NFATC1: variants seen among roughly 807,000 people sequenced by gnomAD.
NFATC1 encodes nuclear factor of activated T-cells, cytoplasmic 1.
Under a neutral mutation model 76.0 loss-of-function variants are expected in NFATC1, and 22 were observed. The observed-to-expected ratio is 0.29, with a 90% CI of 0.21 to 0.41. The LOEUF (loss-of-function observed/expected upper bound fraction) is 0.41. NFATC1 is among the 10% of genes least tolerant of loss of function. NFATC1 has a pLI of 1.00. For synonymous variants in NFATC1, 704 were observed against 613.1 expected (o/e 1.15, Z -2.19); for missense variants, 1,357 against 1,337.7 (o/e 1.01, Z -0.23).
At chr18:79,521,003 G>C (rs1304332128) in intron 9 of NFATC1, among the ~76,000 whole-genome samples, 1 of 100,018 alleles carries the variant, frequency 1.0e-5, no homozygotes, top group Non-Finnish European at 2.1e-5. Flanking sequence ...GTGTGTGTGG[G>C]GGGGGGCATC....
At chr18:79,403,811 TCCCCAAGAGGG>T (rs1209706996) in intron 1 of NFATC1, among the ~76,000 whole-genome samples, 1 of 152,222 alleles carries the variant, frequency 6.6e-6, no homozygotes, top group Non-Finnish European at 1.5e-5. Context: ...GGATTTCTCT[TCCCCAAGAGGG>T]CCCGGGGTGT....
intron 2 of NFATC1, chr18:79,421,434 G>T (rs1049294968): frequency 1.3e-5 from 2 of 152,460 alleles, no homozygotes; most frequent in African/African-American, 4.8e-5. Context: ...GTCTGCTTTC[G>T]CCTGGAGCCC....
chr18:79,427,303 A>G (rs1253470575), intron 2 of NFATC1, among the ~76,000 whole-genome samples: 1 of 151,826 alleles, frequency 6.6e-6, no homozygotes, highest in African/African-American at 2.4e-5. Context: ...TATATGCCCA[A>G]TTTGCCAGCA....
chr18:79,496,682 TGA>T, intron 9 of NFATC1: 1 of 152,406 alleles, frequency 6.6e-6, no homozygotes, highest in East Asian at 1.9e-4. Context: ...CTGTCAATGC[TGA>T]GAGACTCACT....
At chr18:79,414,130 G>T (rs115346349) in intron 2 of NFATC1, among the ~76,000 whole-genome samples, 178 of 152,318 alleles carry the variant, frequency 1.2e-3, no homozygotes, top group African/African-American at 3.9e-3. Context: ...AGCCACGGCA[G>T]AGATGAAATG....
At chr18:79,515,358 AGAAG>A (rs1013170733) in intron 9 of NFATC1, among the ~76,000 whole-genome samples, 17 of 148,946 alleles carry the variant, frequency 1.1e-4, no homozygotes, top group African/African-American at 3.5e-4. Context: ...AAAAAAAAAA[AGAAG>A]GAAGGCAAGT....
chr18:79,404,176 T>TC (rs556999535), intron 1 of NFATC1, among the ~76,000 whole-genome samples: 90 of 152,318 alleles, frequency 5.9e-4, no homozygotes, highest in African/African-American at 1.9e-3. Flanking sequence ...GGGGGAATAT[T>TC]CCAGTACCTC....
chr18:79,400,511 G>A (rs764271995), intron 1 of NFATC1: 3 of 1,389,502 alleles, frequency 2.2e-6, no homozygotes, highest in South Asian at 1.6e-5. Context: ...CGGGGGGCGC[G>A]GGGCCAGGTC....
chr18:79,470,044 C>T, intron 8 of NFATC1: 1 of 979,526 alleles, frequency 1.0e-6, no homozygotes, highest in South Asian at 4.7e-5. Context: ...GTCCCGCGTG[C>T]CCGCTGCACT....
chr18:79,501,371 T>G lies in NFATC1; in HGVS notation c.2782+14434T>G, dbSNP rs191306673. Reference sequence around the variant, plus strand: ...TACACAGAAAAAAAAACAGTGATCATCACACTGAATCGTCCAAGACGGAGG... The same window carrying G: ...TACACAGAAAAAAAAACAGTGATCAGCACACTGAATCGTCCAAGACGGAGG... On this transcript the variant is annotated intron_variant, in intron 9 of 9. Coordinates refer to ENST00000427363, the MANE Select transcript of NFATC1 (RefSeq NM_001278669.2). 5.2e-3 allele frequency among the ~76,000 whole-genome samples: 799 copies of G among 152,268 alleles called. 7 individuals carry two copies. The highest frequency in any genetic ancestry group is 0.018 in the African/African-American group (748 of 41,542).
At chr18:79,487,089 C>A in intron 9 of NFATC1, 152 bp downstream of exon 9, 1 of 916,880 alleles carries the variant, frequency 1.1e-6, no homozygotes, top group Non-Finnish European at 1.6e-6. Context: ...ATATAAAGTG[C>A]CCGTGCGGTG....
intron 9 of NFATC1, among the ~76,000 whole-genome samples, chr18:79,494,709 A>G (rs1215776050): frequency 1.4e-5 from 1 of 72,756 alleles, no homozygotes; most frequent in African/African-American, 5.3e-5. Flanking sequence ...TGAACCTGGT[A>G]CCGCCGGGGG....
intron 9 of NFATC1, chr18:79,527,252 C>T (rs1181669209): frequency 2.8e-5 from 11 of 386,868 alleles, no homozygotes; most frequent in South Asian, 1.2e-4. Flanking sequence ...GCATCGCGGC[C>T]GGCACCTGGC....
intron 2 of NFATC1, among the ~76,000 whole-genome samples, chr18:79,415,137 C>T (rs995485193): frequency 2.6e-5 from 4 of 152,176 alleles, no homozygotes; most frequent in African/African-American, 9.7e-5. Flanking sequence ...AGAGTCTCCA[C>T]GTGTCTCACT....
chr18:79,490,915 GA>G, intron 9 of NFATC1, among the ~76,000 whole-genome samples: 1 of 152,250 alleles, frequency 6.6e-6, no homozygotes, highest in East Asian at 1.9e-4. Context: ...GTTATGTCGG[GA>G]AAGCCTCACG....
rs549142126 is a variant in NFATC1, at chr18:79,495,184, G to A, written c.2782+8247G>A. ...GCTGTTGCAGGTCTCCCGCCGTGGC[G>A]TGCAGGCTGTGAGGCCACAGTGCCT... On this transcript the variant is annotated intron_variant, in intron 9 of 9. Coordinates refer to ENST00000427363, the MANE Select transcript of NFATC1 (RefSeq NM_001278669.2). Among the ~76,000 whole-genome samples the A allele has an allele frequency of 1.1e-3, 171 of 152,378 alleles. 1 individual carries two copies. The highest frequency in any genetic ancestry group is 3.4e-3 in the Middle Eastern group (1 of 294).
Position 79,448,917 on chromosome 18 carries a change from G to A in NFATC1, c.1522G>A (p.Glu508Lys), listed in dbSNP as rs2087335765. 1.9e-6 allele frequency: 3 copies of A among 1,613,796 alleles called. No homozygotes were observed. The highest frequency in any genetic ancestry group is 1.1e-5 in the South Asian group (1 of 91,090). ...TGKTVSTTSH[E>K]AILSNTKVLE... The stretch of plus-strand genomic sequence containing the variant: ...GAAGACCGTGTCCACCACCAGCCAC[G>A]AGGCCATCCTCTCCAACACCAAAGT... The change falls in exon 4 of 10, where the codon GAG becomes AAG. Residue 508 changes from glutamate to lysine, a missense_variant. Around this residue, in one of 3 missense-constraint regions of NFATC1, gnomAD observed 242 missense variants for 329.2 expected, o/e 0.74. Transcript: ENST00000427363.
At chr18:79,487,088 GC>G (rs1418421473) in intron 9 of NFATC1, 151 bp downstream of exon 9, 1 of 927,476 alleles carries the variant, frequency 1.1e-6, no homozygotes, top group South Asian at 1.9e-5. Context: ...GATATAAAGT[GC>G]CCGTGCGGTG....
At chr18:79,429,168 C>G (rs954432986) in intron 2 of NFATC1, among the ~76,000 whole-genome samples, 5 of 149,552 alleles carry the variant, frequency 3.3e-5, no homozygotes, top group Admixed American at 2.7e-4. Context: ...CTGCAGTGAG[C>G]CGAGATGGCT....
Sources: gnomAD v4.1 joint callset for allele counts (sites outside exome capture counted in the v4.1 genomes callset) on GRCh38, gnomAD v4.1.1 for gene constraint, gnomAD v4.1.1 regional missense constraint, MANE v1.5 for transcripts, NCBI Gene and HGNC (gene_info 2026-07-23, HGNC 2026-07-21) for gene names.